MKNK2: variants seen among roughly 807,000 people sequenced by gnomAD.
MKNK2 encodes MAP kinase-interacting serine/threonine-protein kinase 2.
Under a neutral mutation model 55.0 loss-of-function variants are expected in MKNK2, and 54 were observed. That is an observed-to-expected ratio of 0.98 (90% confidence interval 0.79 to 1.23). The LOEUF (loss-of-function observed/expected upper bound fraction) is 1.23. MKNK2 is among the 50% of genes most tolerant of loss of function. The pLI is 0.00. For missense variants in MKNK2, 685 were observed against 632.1 expected (o/e 1.08, Z -0.90); for synonymous variants, 323 against 256.0 (o/e 1.26, Z -2.50).
chr19:2,050,726 C>G (rs1263777671), intron 2 of MKNK2, 75 bp downstream of exon 2: 1 of 1,391,738 alleles, frequency 7.2e-7, no homozygotes, highest in Non-Finnish European at 9.8e-7. Flanking sequence ...ATCTTAGGGG[C>G]GGGCCCCGCG....
chr19:2,042,237 G>C (rs949774513), intron 10 of MKNK2, 190 bp downstream of exon 10: 5 of 710,244 alleles, frequency 7.0e-6, no homozygotes, highest in Non-Finnish European at 1.1e-5. Flanking sequence ...CGCCCCACCC[G>C]GCCAAACACC....
intron 2 of MKNK2, among the ~76,000 whole-genome samples, chr19:2,049,238 T>G (rs2017062122): frequency 6.6e-6 from 1 of 152,170 alleles, no homozygotes; most frequent in South Asian, 2.1e-4. Context: ...AGCCTCACTT[T>G]CCCATCTGCG....
chr19:2,049,681 T>C (rs2017071284), intron 2 of MKNK2, among the ~76,000 whole-genome samples: 1 of 152,194 alleles, frequency 6.6e-6, no homozygotes, highest in Non-Finnish European at 1.5e-5. Context: ...TATCAGCTCA[T>C]GCCTGGCCCT....
chr19:2,047,194 C>CCCCCAGGACACAGATGT (rs1002403106), intron 2 of MKNK2, among the ~76,000 whole-genome samples: 4 of 152,166 alleles, frequency 2.6e-5, no homozygotes, highest in Non-Finnish European at 4.4e-5. Flanking sequence ...GTGATTCTGT[C>CCCCCAGGACACAGATGT]CCCCAGGAGA....
chr19:2,042,019 A>G lies in MKNK2; in HGVS notation c.766T>C (p.Tyr256His). 1 of 1,514,880 alleles carries G rather than the reference A, an allele frequency of 6.6e-7. No homozygotes were observed. 93.8% of individuals were successfully genotyped at this position (1,514,880 alleles called of 1,614,324 possible). A position where few individuals can be genotyped will look rare whatever the true frequency, so the allele number is the denominator to read the frequency against. ...ELLTPCGSAE[Y>H]MAPEVVEAFS... ...GCCTCCACTACCTCCGGGGCCATGT[A>G]CTCCGCCGAGCCGCACTGCGGGCGG... is the stretch of plus-strand genomic sequence containing the variant. The change falls in exon 11 of 14, where the codon TAC becomes CAC. Residue 256 changes from tyrosine to histidine, a missense_variant. Physicochemically the swap from Tyr to His is moderately conservative, Grantham distance 83. Coordinates refer to ENST00000250896, the MANE Select transcript of MKNK2 (RefSeq NM_199054.3).
intron 10 of MKNK2, 64 bp downstream of exon 10, chr19:2,042,363 T>C: frequency 7.0e-7 from 1 of 1,422,456 alleles, no homozygotes; most frequent in Non-Finnish European, 9.7e-7. Flanking sequence ...TGGCCCAGGC[T>C]CCGCGAGGTT....
chr19:2,046,592 C>A lies in MKNK2; in HGVS notation c.139+12G>T. 1 of 1,560,920 alleles carries A rather than the reference C, an allele frequency of 6.4e-7. No homozygotes were observed. Among genetic ancestry groups the A allele is most frequent in the Non-Finnish European group, 8.7e-7 (1 of 1,153,442 alleles). ...AGCTGCCCTGTGCCCTCCTCCCCCT[C>A]GGGCCCCTCACCAGGGCGGGCTGAG... On this transcript the variant is annotated intron_variant, in intron 3 of 13. Transcript: ENST00000250896.
Position 2,037,829 on chromosome 19 carries a change from C to T in MKNK2, c.*1784G>A. On this transcript the variant is annotated 3_prime_UTR_variant, in exon 14 of 14. Coordinates refer to ENST00000250896, the MANE Select transcript of MKNK2 (RefSeq NM_199054.3). ...GAGGGAGGAGGAAGTGACTGTCCCA[C>T]CTTCAGAAAAAAAAAAAAAAACAAA... The T allele has an allele frequency of 6.3e-7, 1 of 1,582,404 alleles. No individual in the cohort carries two copies. Among genetic ancestry groups the T allele is most frequent in the Non-Finnish European group, 8.6e-7 (1 of 1,164,680 alleles).
intron 9 of MKNK2, 24 bp from the exon 10 acceptor site, chr19:2,042,546 G>C: frequency 6.3e-7 from 1 of 1,584,226 alleles, no homozygotes; most frequent in Non-Finnish European, 8.6e-7. Context: ...AAAGGTCCGT[G>C]AGCCTGGGGT....
chr19:2,048,283 G>C (rs1051037808), intron 2 of MKNK2, among the ~76,000 whole-genome samples: 1 of 152,130 alleles, frequency 6.6e-6, no homozygotes, highest in Non-Finnish European at 1.5e-5. Context: ...CCCTGACCAG[G>C]GTGCAAGGAA....
chr19:2,041,326 G>A, intron 11 of MKNK2, 122 bp from the exon 12 acceptor site: 3 of 954,894 alleles, frequency 3.1e-6, no homozygotes, highest in Non-Finnish European at 4.7e-6. Flanking sequence ...ACGCACGCCT[G>A]GGGCAGAGGG....
chr19:2,046,074 C>T (rs2145691865), intron 5 of MKNK2, 112 bp downstream of exon 5: 2 of 1,113,934 alleles, frequency 1.8e-6, no homozygotes, highest in Middle Eastern at 3.0e-4. Context: ...CACTTTTAGA[C>T]ACGGGTCTTC....
chr19:2,040,603 C>T (rs1365580020), intron 12 of MKNK2: 2 of 267,044 alleles, frequency 7.5e-6, no homozygotes, highest in East Asian at 1.5e-4. Context: ...AATCCTCACT[C>T]CCTGGGGTGG....
At chr19:2,042,267 T>A (rs1203462628) in intron 10 of MKNK2, 160 bp downstream of exon 10, 2 of 771,838 alleles carry the variant, frequency 2.6e-6, no homozygotes, top group Non-Finnish European at 4.0e-6. Context: ...GGGCGCCTGC[T>A]CGAGGCCCCG....
At chr19:2,041,629 C>A (rs577423917) in intron 11 of MKNK2, among the ~76,000 whole-genome samples, 24 of 152,220 alleles carry the variant, frequency 1.6e-4, no homozygotes, top group Admixed American at 1.5e-3. Flanking sequence ...GCACACCGGG[C>A]AGGTCCCCAG....
In MKNK2 at chr19:2,038,672, G is replaced by A. The variant is rs574633835; in HGVS notation, c.*941C>T. 5.2e-5 allele frequency: 51 copies of A among 985,638 alleles called. No individual in the cohort carries two copies. Among genetic ancestry groups the A allele is most frequent in the East Asian group, 1.1e-4 (1 of 8,830 alleles). The allele number at this position is 985,638 out of a possible 1,614,324, so 61.1% of individuals were successfully genotyped here. On this transcript the variant is annotated 3_prime_UTR_variant, in exon 14 of 14. Coordinates refer to ENST00000250896, the MANE Select transcript of MKNK2 (RefSeq NM_199054.3). ...TTCCAGGTCAGGCCCGAGGGGCGGC[G>A]CGAGGCAGGACGTGGCTACGGTCAG...
intron 2 of MKNK2, among the ~76,000 whole-genome samples, chr19:2,049,450 C>A (rs1312642960): frequency 1.3e-5 from 2 of 152,198 alleles, no homozygotes; most frequent in Non-Finnish European, 2.9e-5. Flanking sequence ...CTGCCAGGCC[C>A]TCCTCCACCA....
intron 1 of MKNK2, 73 bp downstream of exon 1, chr19:2,051,023 G>C: frequency 2.6e-6 from 1 of 390,340 alleles, no homozygotes; most frequent in East Asian, 4.2e-5. Flanking sequence ...GGCGGGGGCG[G>C]CGAGGGCTCC....
At position 2,042,514 on chromosome 19, in the gene MKNK2, G is replaced by C. The variant is rs922440166; in HGVS notation, c.663C>G (p.Pro221=). ...ILCEHPNQVS[P]VKICDFDLGS... ...CCAGGTCGAAGTCACAGATCTTCAC[G>C]GGGGAGACCTGGGAGGGGCCAAAAG... Residue 221 remains proline, a synonymous_variant, in exon 10 of 14, where the codon CCC becomes CCG. Coordinates refer to ENST00000250896, the MANE Select transcript of MKNK2 (RefSeq NM_199054.3). 8.1e-6 allele frequency: 13 copies of C among 1,595,244 alleles called. No homozygotes were observed. The highest frequency in any genetic ancestry group is 3.6e-5 in the Admixed American group (2 of 55,722).
Sources: allele counts gnomAD v4.1 joint callset (sites outside exome capture counted in the v4.1 genomes callset), GRCh38; gene constraint gnomAD v4.1.1; transcripts MANE v1.5; gene names NCBI Gene and HGNC (gene_info 2026-07-23, HGNC 2026-07-21).